Variants in EGFLAM observed in about 807,000 individuals in gnomAD.
EGFLAM encodes the protein EGF like, fibronectin type III and laminin G domains.
Under a neutral mutation model 113.1 loss-of-function variants are expected in EGFLAM, and 79 were observed. The ratio of observed to expected loss-of-function variants is 0.70; its 90% CI spans 0.58 to 0.84. The LOEUF is 0.84. Ranked by LOEUF, EGFLAM falls within the 40% of genes least tolerant of loss-of-function variation. The probability of loss-of-function intolerance (pLI) is 0.00; values close to 1 mark genes in which losing one functional copy is unlikely to be tolerated. For synonymous variants in EGFLAM, 504 were observed against 487.6 expected (o/e 1.03, Z -0.44); for missense variants, 1,265 against 1,291.6 (o/e 0.98, Z 0.32).
intron 5 of EGFLAM, among the ~76,000 whole-genome samples, chr5:38,365,266 A>C (rs1196306642): frequency 6.6e-6 from 1 of 152,232 alleles, no homozygotes; most frequent in African/African-American, 2.4e-5. Context: ...TCTCACGCAT[A>C]GTAAAAAGGA....
intron 1 of EGFLAM, among the ~76,000 whole-genome samples, chr5:38,325,044 G>A (rs1293844035): frequency 6.6e-6 from 1 of 152,172 alleles, no homozygotes; most frequent in Non-Finnish European, 1.5e-5. Flanking sequence ...GGGTACATAG[G>A]CCTGCTCCTC....
chr5:38,275,244 A>T (rs1395373499), intron 1 of EGFLAM, among the ~76,000 whole-genome samples: 1 of 152,192 alleles, frequency 6.6e-6, no homozygotes, highest in Non-Finnish European at 1.5e-5. Context: ...TACTTTGAAT[A>T]TAAATTGATC....
Position 38,338,702 on chromosome 5 carries a change from T to G in EGFLAM, c.212T>G (p.Phe71Cys). 6.2e-7 allele frequency: 1 copy of G among 1,614,150 alleles called. No homozygotes were observed. Among genetic ancestry groups the G allele is most frequent in the Non-Finnish European group, 8.5e-7 (1 of 1,180,002 alleles). ...GGGTGTCTGCATCTTTTCAAGGTCT[T>G]TTACTCTGAGGTTGGCGCAGATAAA... The part of the protein sequence containing the change: ...PGSPILGYTV[F>C]YSEVGADKSL... Residue 71 changes from phenylalanine (F) to cysteine (C), a missense_variant, in exon 3 of 22, where the codon TTT becomes TGT. Phe to Cys is a radical substitution (Grantham distance 205). Transcript: ENST00000322350.
intron 5 of EGFLAM, among the ~76,000 whole-genome samples, chr5:38,365,075 C>A (rs528506178): frequency 6.6e-6 from 1 of 152,274 alleles, no homozygotes; most frequent in South Asian, 2.1e-4. Context: ...GGACAGTTGG[C>A]TGCTCCAACA....
At chr5:38,288,719 G>A (rs74377146) in intron 1 of EGFLAM, among the ~76,000 whole-genome samples, 6,571 of 152,270 alleles carry the variant, frequency 0.043, 209 homozygotes, top group Non-Finnish European at 0.07. Context: ...CAGACTATAA[G>A]AAAGGAGATA....
chr5:38,305,294 C>A (rs1711684191), intron 1 of EGFLAM: 1 of 232,140 alleles, frequency 4.3e-6, no homozygotes, highest in Admixed American at 4.9e-5. Flanking sequence ...ATACTGGCAG[C>A]AAGAAGATTG....
intron 6 of EGFLAM, among the ~76,000 whole-genome samples, chr5:38,379,395 A>G (rs1402889095): frequency 1.3e-5 from 2 of 151,970 alleles, no homozygotes; most frequent in Admixed American, 1.3e-4. Context: ...CACAGGAGAG[A>G]GTAAATGATG....
chr5:38,372,795 A>G lies in EGFLAM; in HGVS notation c.712+2333A>G, dbSNP rs1234788388. 2.6e-5 allele frequency among the ~76,000 whole-genome samples: 4 copies of G among 152,326 alleles called. No individual in the cohort carries two copies. The East Asian group carries it at 7.7e-4, about 29-fold the overall frequency. On this transcript the variant is annotated intron_variant, in intron 6 of 21. Coordinates refer to ENST00000322350, the MANE Select transcript of EGFLAM (RefSeq NM_152403.4). ...ATTTATTAGATGACCTGTTTCATGA[A>G]TACAAAAGCATGTGCTATAATTAGT... is the stretch of plus-strand genomic sequence containing the variant.
chr5:38,403,949 A>T, intron 6 of EGFLAM: 1 of 1,612,692 alleles, frequency 6.2e-7, no homozygotes, highest in Non-Finnish European at 8.5e-7. Flanking sequence ...TACTTTAAAT[A>T]AAACTGGGGA....
At chr5:38,435,005 G>C (rs1742298291) in intron 15 of EGFLAM, 132 bp from the exon 16 acceptor site, 1 of 691,086 alleles carries the variant, frequency 1.4e-6, no homozygotes, top group Non-Finnish European at 2.5e-6. Context: ...CCCTTGTGTA[G>C]ACAGATTGTC....
At chr5:38,279,610 C>G (rs1288372646) in intron 1 of EGFLAM, among the ~76,000 whole-genome samples, 1 of 152,066 alleles carries the variant, frequency 6.6e-6, no homozygotes, top group African/African-American at 2.4e-5. Context: ...GTGAAATAAG[C>G]CTGGCACAGA....
At chr5:38,324,378 C>T (rs552362847) in intron 1 of EGFLAM, among the ~76,000 whole-genome samples, 1 of 152,262 alleles carries the variant, frequency 6.6e-6, no homozygotes, top group East Asian at 1.9e-4. Flanking sequence ...TTTATCCTGC[C>T]CCCCTCCACA....
intron 15 of EGFLAM, among the ~76,000 whole-genome samples, chr5:38,434,533 A>T (rs1380013738): frequency 6.6e-6 from 1 of 152,250 alleles, no homozygotes; most frequent in Non-Finnish European, 1.5e-5. Flanking sequence ...ATCGTAAATC[A>T]AAGAAAATAA....
intron 5 of EGFLAM, among the ~76,000 whole-genome samples, chr5:38,357,616 A>C (rs1739796837): frequency 6.6e-6 from 1 of 152,144 alleles, no homozygotes; most frequent in Non-Finnish European, 1.5e-5. Context: ...TTATTATTAT[A>C]CATCTAAGGG....
At chr5:38,285,364 C>T (rs1758131455) in intron 1 of EGFLAM, among the ~76,000 whole-genome samples, 1 of 152,174 alleles carries the variant, frequency 6.6e-6, no homozygotes, top group African/African-American at 2.4e-5. Flanking sequence ...GTATTTCATT[C>T]ATCTACAAAA....
chr5:38,321,975 G>A (rs1485318783), intron 1 of EGFLAM, among the ~76,000 whole-genome samples: 1 of 152,178 alleles, frequency 6.6e-6, no homozygotes, highest in Admixed American at 6.5e-5. Context: ...ATAATGACCA[G>A]AAAGAGCAGG....
chr5:38,359,957 T>C (rs1439985110), intron 5 of EGFLAM, among the ~76,000 whole-genome samples: 2 of 152,188 alleles, frequency 1.3e-5, no homozygotes, highest in Non-Finnish European at 2.9e-5. Context: ...TACCTACATA[T>C]TGGTTTCATT....
At chr5:38,272,648 G>GT (rs1374463567) in intron 1 of EGFLAM, among the ~76,000 whole-genome samples, 1 of 152,092 alleles carries the variant, frequency 6.6e-6, no homozygotes, top group Admixed American at 6.5e-5. Context: ...TTCATTCTTT[G>GT]TTTTTTAAGA....
At chr5:38,281,123 C>T (rs532579740) in intron 1 of EGFLAM, among the ~76,000 whole-genome samples, 100 of 152,300 alleles carry the variant, frequency 6.6e-4, no homozygotes, top group African/African-American at 2.4e-3. Flanking sequence ...CTAGAGATCC[C>T]TTATACAGCC....
Sources: gnomAD v4.1 joint callset for allele counts (sites outside exome capture counted in the v4.1 genomes callset) on GRCh38, gnomAD v4.1.1 for gene constraint, MANE v1.5 for transcripts, NCBI Gene and HGNC (gene_info 2026-07-23, HGNC 2026-07-21) for gene names.